SH3GLB1: variants seen among roughly 807,000 people sequenced by gnomAD.
SH3GLB1 encodes SH3 domain containing GRB2 like, endophilin B1.
A neutral mutation model predicts 42.0 loss-of-function variants in SH3GLB1; 17 were observed. The ratio of observed to expected loss-of-function variants is 0.40; its 90% CI spans 0.28 to 0.61. The LOEUF (loss-of-function observed/expected upper bound fraction) is 0.61, where lower values mean the gene tolerates loss of function less well. SH3GLB1 is among the 20% of genes least tolerant of loss of function. The pLI, the probability that SH3GLB1 is intolerant of heterozygous loss-of-function variation, is 0.36. For missense variants in SH3GLB1, 355 were observed against 426.3 expected, an observed-to-expected ratio of 0.83 and a Z score of 1.47; for synonymous variants, 132 against 146.6, an observed-to-expected ratio of 0.90 and a Z score of 0.72.
chr1:86,716,535 G>A (rs1034744403), intron 2 of SH3GLB1, among the ~76,000 whole-genome samples: 5 of 151,962 alleles, frequency 3.3e-5, no homozygotes, highest in South Asian at 2.1e-4. Context: ...CACCTGCCTC[G>A]GCCTCCCAAA....
intron 1 of SH3GLB1, among the ~76,000 whole-genome samples, chr1:86,706,938 T>A (rs1217945521): frequency 6.6e-6 from 1 of 152,252 alleles, no homozygotes. Flanking sequence ...TTTATGCTAA[T>A]CTGTTAGCCA....
chr1:86,725,151 G>C (rs1424289008), intron 5 of SH3GLB1, among the ~76,000 whole-genome samples: 1 of 151,144 alleles, frequency 6.6e-6, no homozygotes. Context: ...AGAAAAGATA[G>C]TAATTAAGAT....
intron 3 of SH3GLB1, among the ~76,000 whole-genome samples, chr1:86,719,995 CAAAA>C (rs570115346): frequency 1.6e-5 from 1 of 62,424 alleles, no homozygotes; most frequent in African/African-American, 5.5e-5. Flanking sequence ...GACTCTGTCT[CAAAA>C]AAAAAAAAAA....
chr1:86,722,513 A>C, intron 3 of SH3GLB1, 27 bp from the exon 4 acceptor site: 1 of 1,551,374 alleles, frequency 6.4e-7, no homozygotes, highest in Non-Finnish European at 8.7e-7. Flanking sequence ...CCAGACAATG[A>C]TTTTTAAAAA....
rs1415045490 is a variant in SH3GLB1 at position 86,734,707 on chromosome 1, T to C, written c.660+16T>C. 1.9e-5 allele frequency: 31 copies of C among 1,596,186 alleles called. No homozygotes were observed. Among genetic ancestry groups the C allele is most frequent in the Non-Finnish European group, 2.4e-5 (28 of 1,165,824 alleles). The stretch of plus-strand genomic sequence containing the variant: ...CAGTACACATGTGAGTATTCATTCA[T>C]TGGAAATTCATTTGGAACAAGACTT... On this transcript the variant is annotated intron_variant, in intron 6 of 8. Transcript: ENST00000370558.
At chr1:86,734,993 G>T (rs1655710496) in intron 6 of SH3GLB1, 86 bp from the exon 7 acceptor site, 2 of 967,344 alleles carry the variant, frequency 2.1e-6, no homozygotes, top group African/African-American at 1.6e-5. Context: ...GTCTACCTCA[G>T]TACAATATTG....
At chr1:86,721,552 T>C (rs1450938817) in intron 3 of SH3GLB1, among the ~76,000 whole-genome samples, 2 of 152,188 alleles carry the variant, frequency 1.3e-5, no homozygotes, top group African/African-American at 4.8e-5. Flanking sequence ...GGAACCCTGA[T>C]CTTGGGGCTT....
Position 86,722,646 on chromosome 1 carries a change from T to C in SH3GLB1, c.450T>C (p.Phe150=). The C allele has an allele frequency of 1.9e-6, 3 of 1,606,892 alleles. No individual in the cohort carries two copies. The highest frequency in any genetic ancestry group is 1.7e-5 in the Admixed American group (1 of 59,046). Residue 150 remains phenylalanine (F), a synonymous_variant, in exon 4 of 9, where the codon TTT becomes TTC. Transcript: ENST00000370558. ...ALNFLTPLRN[F]IEGDYKTIAK... is the part of the protein sequence containing the mutation. ...ATTTTCTTACTCCTTTAAGAAACTTTATAGAAGGAGATTACAAAACAATTG... is the reference window on the plus strand; with the variant it reads ...ATTTTCTTACTCCTTTAAGAAACTTCATAGAAGGAGATTACAAAACAATTG...
At position 86,748,131 on chromosome 1, in the gene SH3GLB1, T is replaced by A. The variant is rs985535380; in HGVS notation, c.*4896T>A. ...TCATATGTGCCACATTTTATTAAAC[T>A]ACTGTTCAATTTTTAGGTTTCCAAC... is the stretch of plus-strand genomic sequence containing the variant. On this transcript the variant is annotated 3_prime_UTR_variant, in exon 9 of 9. Transcript: ENST00000370558. The A allele has an allele frequency of 6.6e-6, 1 of 152,118 alleles. No homozygotes were observed. Among genetic ancestry groups the A allele is most frequent in the Non-Finnish European group, 1.5e-5 (1 of 68,026 alleles). 9.4% of individuals were successfully genotyped at this position (152,118 alleles called of 1,614,324 possible). A position where few individuals can be genotyped will look rare whatever the true frequency, so the allele number is the denominator to read the frequency against.
intron 7 of SH3GLB1, among the ~76,000 whole-genome samples, chr1:86,740,656 G>T (rs1656015848): frequency 6.6e-6 from 1 of 152,146 alleles, no homozygotes. Flanking sequence ...AAGGGTTGTG[G>T]TTACTGGAAT....
At position 86,722,680 on chromosome 1, in the gene SH3GLB1, T is replaced by C; in HGVS notation, c.477+7T>C. The C allele has an allele frequency of 1.3e-6, 2 of 1,585,294 alleles. No individual in the cohort carries two copies. The highest frequency in any genetic ancestry group is 1.7e-6 in the Non-Finnish European group (2 of 1,169,202). On this transcript the variant is annotated splice_region_variant and intron_variant, in intron 4 of 8. Coordinates refer to ENST00000370558, the MANE Select transcript of SH3GLB1 (RefSeq NM_016009.5). Reference sequence around the variant, plus strand: ...AGATTACAAAACAATTGCTGTGAGTTGAAAAATGTCCCCTTTATTTAGTAA... The same window carrying C: ...AGATTACAAAACAATTGCTGTGAGTCGAAAAATGTCCCCTTTATTTAGTAA...
At chr1:86,716,758 T>C (rs1246434324) in intron 2 of SH3GLB1, among the ~76,000 whole-genome samples, 1 of 152,236 alleles carries the variant, frequency 6.6e-6, no homozygotes, top group Non-Finnish European at 1.5e-5. Context: ...AAGTGGAAAT[T>C]GGACTAGAAC....
chr1:86,719,555 C>G lies in SH3GLB1; in HGVS notation c.263C>G (p.Pro88Arg). ...FVYEKLDRKA[P>R]SRINNPELLG... ...TATGAGAAACTGGATAGAAAAGCTC[C>G]AAGTCGTATAAACAACCCAGAACTT... is the stretch of plus-strand genomic sequence containing the variant. The change falls in exon 3 of 9, where the codon CCA (proline) becomes CGA (arginine). Residue 88 changes from proline (P) to arginine (R), a missense_variant. Physicochemically the swap from Pro to Arg is moderately radical, Grantham distance 103. Transcript: ENST00000370558. The G allele has an allele frequency of 6.2e-7, 1 of 1,610,234 alleles. No homozygotes were observed. Among genetic ancestry groups the G allele is most frequent in the Non-Finnish European group, 8.5e-7 (1 of 1,178,054 alleles).
intron 5 of SH3GLB1, chr1:86,728,510 T>C: frequency 6.9e-7 from 1 of 1,450,860 alleles, no homozygotes; most frequent in Non-Finnish European, 9.4e-7. Flanking sequence ...CTACTGTGTT[T>C]TCTACATCTT....
At chr1:86,732,366 T>C (rs1655556632) in intron 5 of SH3GLB1, among the ~76,000 whole-genome samples, 1 of 152,190 alleles carries the variant, frequency 6.6e-6, no homozygotes, top group South Asian at 2.1e-4. Context: ...TCCCTAGAGA[T>C]TTTTTAGACG....
rs891604749 is a variant in SH3GLB1, at chr1:86,724,895, A to C, written c.570+490A>C. ...TCTTTAAAAAAAAAAAAAAAAAAAT[A>C]TATATATATATATATATAAAATATA... is the stretch of plus-strand genomic sequence containing the variant. On this transcript the variant is annotated intron_variant, in intron 5 of 8. Transcript: ENST00000370558. 3.4e-4 allele frequency among the ~76,000 whole-genome samples: 43 copies of C among 125,988 alleles called. 1 individual carries two copies. The highest frequency in any genetic ancestry group is 1.3e-3 in the African/African-American group (38 of 28,482). The allele number at this position is 125,988 out of a possible 152,430, so 82.7% of individuals were successfully genotyped here.
rs1656089363 is a variant in SH3GLB1, at chr1:86,742,154, T to G, written c.762-54T>G. 2.9e-6 allele frequency: 4 copies of G among 1,381,552 alleles called. No individual in the cohort carries two copies. The South Asian group carries it at 4.7e-5, about 16-fold the overall frequency. 85.6% of individuals were successfully genotyped at this position (1,381,552 alleles called of 1,614,324 possible). A position where few individuals can be genotyped will look rare whatever the true frequency, so the allele number is the denominator to read the frequency against. On this transcript the variant is annotated intron_variant, in intron 7 of 8. Coordinates refer to ENST00000370558, the MANE Select transcript of SH3GLB1 (RefSeq NM_016009.5). The stretch of plus-strand genomic sequence containing the variant: ...TAAACAGCGCCACCGAGTGGTGGTA[T>G]TAAGGAGCTTTAGTCACTTGGAAAT...
intron 5 of SH3GLB1, among the ~76,000 whole-genome samples, chr1:86,726,653 C>G (rs1005177058): frequency 1.3e-5 from 2 of 151,836 alleles, no homozygotes; most frequent in Non-Finnish European, 2.9e-5. Context: ...ACAGGAAGTT[C>G]GATTTCCTGA....
intron 5 of SH3GLB1, among the ~76,000 whole-genome samples, chr1:86,724,910 TATAA>T (rs1011353460): frequency 7.4e-6 from 1 of 135,094 alleles, no homozygotes; most frequent in African/African-American, 3.0e-5. Flanking sequence ...TATATATATA[TATAA>T]AATATATAAT....
Sources: allele counts gnomAD v4.1 joint callset (sites outside exome capture counted in the v4.1 genomes callset), GRCh38; gene constraint gnomAD v4.1.1; transcripts MANE v1.5; gene names NCBI Gene and HGNC (gene_info 2026-07-23, HGNC 2026-07-21).